The following ST18 variants were observed in gnomAD, a reference collection of about 807,000 sequenced individuals.
ST18 encodes the protein ST18 C2H2C-type zinc finger transcription factor, also known as suppression of tumorigenicity 18 protein.
A neutral mutation model predicts 110.0 loss-of-function variants in ST18; 50 were observed. The observed-to-expected ratio is 0.45, with a 90% confidence interval of 0.36 to 0.58. ST18 has a LOEUF of 0.58. ST18 is among the 20% of genes least tolerant of loss of function. The pLI, the probability that ST18 is intolerant of heterozygous loss-of-function variation, is 0.00. For missense variants in ST18, 1,306 were observed against 1,280.1 expected, an observed-to-expected ratio of 1.02 and a Z score of -0.31; for synonymous variants, 461 against 452.4, an observed-to-expected ratio of 1.02 and a Z score of -0.24.
At chr8:52,177,381 C>A (rs1315943544) in intron 9 of ST18, among the ~76,000 whole-genome samples, 1 of 152,202 alleles carries the variant, frequency 6.6e-6, no homozygotes, top group East Asian at 1.9e-4. Flanking sequence ...TGAGCACTAT[C>A]CCTTCTCTCA....
chr8:52,111,223 T>A lies in ST18; in HGVS notation c.*1975A>T. 1 of 361,270 alleles carries A rather than the reference T, an allele frequency of 2.8e-6. No individual in the cohort carries two copies. Among genetic ancestry groups the A allele is most frequent in the Non-Finnish European group, 4.9e-6 (1 of 202,716 alleles). 22.4% of individuals were successfully genotyped at this position (361,270 alleles called of 1,614,324 possible). A position where few individuals can be genotyped will look rare whatever the true frequency, so the allele number is the denominator to read the frequency against. ...GATTTCTTTTAAATTAAATAAAATA[T>A]ATAACAAACTTGTTAAAATATTTAG... On this transcript the variant is annotated 3_prime_UTR_variant, in exon 26 of 26. Transcript: ENST00000689386.
At chr8:52,212,485 C>T (rs2082555060) in intron 7 of ST18, among the ~76,000 whole-genome samples, 1 of 152,136 alleles carries the variant, frequency 6.6e-6, no homozygotes, top group African/African-American at 2.4e-5. Context: ...TAATATTAAA[C>T]ACACATTCAA....
At chr8:52,228,222 C>T (rs2090164922) in intron 3 of ST18, among the ~76,000 whole-genome samples, 1 of 152,102 alleles carries the variant, frequency 6.6e-6, no homozygotes, top group South Asian at 2.1e-4. Context: ...ACTTTTGTCT[C>T]ATTTACATGA....
chr8:52,187,557 G>T (rs2072815591), intron 8 of ST18, among the ~76,000 whole-genome samples: 1 of 152,158 alleles, frequency 6.6e-6, no homozygotes. Context: ...GAGGCCAATT[G>T]TTGAACTTTA....
chr8:52,140,625 A>G (rs2054643809), intron 17 of ST18, among the ~76,000 whole-genome samples: 1 of 151,464 alleles, frequency 6.6e-6, no homozygotes, highest in Non-Finnish European at 1.5e-5. Flanking sequence ...CCTCTGAGAG[A>G]GTAATTTCTT....
chr8:52,216,887 G>C (rs1487677838), intron 6 of ST18, among the ~76,000 whole-genome samples: 1 of 152,202 alleles, frequency 6.6e-6, no homozygotes, highest in East Asian at 1.9e-4. Context: ...TTCCACGTCA[G>C]TGTGTGTGTT....
intron 2 of ST18, among the ~76,000 whole-genome samples, chr8:52,385,062 C>A (rs1034664382): frequency 6.6e-6 from 1 of 152,140 alleles, no homozygotes; most frequent in Non-Finnish European, 1.5e-5. Flanking sequence ...TGTCCAATAA[C>A]CCTCTGCCCA....
intron 8 of ST18, among the ~76,000 whole-genome samples, chr8:52,208,140 A>G (rs1363722579): frequency 6.6e-6 from 1 of 152,230 alleles, no homozygotes. Flanking sequence ...TGTCAGTATC[A>G]ATTTTATTAG....
chr8:52,264,608 C>T (rs993273433), intron 2 of ST18, among the ~76,000 whole-genome samples: 1 of 152,144 alleles, frequency 6.6e-6, no homozygotes, highest in African/African-American at 2.4e-5. Flanking sequence ...GACTTTTGTC[C>T]TCATGGTTTG....
intron 2 of ST18, among the ~76,000 whole-genome samples, chr8:52,305,712 A>G (rs1251262761): frequency 1.3e-5 from 2 of 152,112 alleles, no homozygotes; most frequent in African/African-American, 4.8e-5. Flanking sequence ...TGTATCAGCA[A>G]ATCCTCTGGG....
intron 2 of ST18, among the ~76,000 whole-genome samples, chr8:52,317,783 C>A (rs1384474550): frequency 1.3e-5 from 2 of 152,164 alleles, no homozygotes; most frequent in South Asian, 4.1e-4. Context: ...AAGCTGAACA[C>A]AGGGATTATT....
chr8:52,315,694 T>A (rs1033318052), intron 2 of ST18, among the ~76,000 whole-genome samples: 2 of 152,058 alleles, frequency 1.3e-5, no homozygotes, highest in African/African-American at 2.4e-5. Flanking sequence ...CAGAATAGAG[T>A]AGTGCTGGTG....
chr8:52,266,369 C>T (rs7813652), intron 2 of ST18, among the ~76,000 whole-genome samples: 1 of 151,770 alleles, frequency 6.6e-6, no homozygotes, highest in South Asian at 2.1e-4. Context: ...GTTTTGTGCT[C>T]AAGACACCAG....
intron 2 of ST18, among the ~76,000 whole-genome samples, chr8:52,354,550 T>C (rs1405580979): frequency 6.6e-6 from 1 of 152,134 alleles, no homozygotes; most frequent in Non-Finnish European, 1.5e-5. Context: ...AGGGGATACA[T>C]AGTGTTTGAA....
intron 2 of ST18, among the ~76,000 whole-genome samples, chr8:52,342,322 A>T (rs1359669666): frequency 6.6e-6 from 1 of 152,212 alleles, no homozygotes; most frequent in Non-Finnish European, 1.5e-5. Context: ...AAGCCAAAAG[A>T]AAGAAAAAAG....
At chr8:52,192,933 T>C (rs544959875) in intron 8 of ST18, among the ~76,000 whole-genome samples, 9 of 152,312 alleles carry the variant, frequency 5.9e-5, no homozygotes, top group Non-Finnish European at 8.8e-5. Context: ...CAGGAGTCAC[T>C]GACCCTGGTC....
intron 2 of ST18, among the ~76,000 whole-genome samples, chr8:52,374,697 T>A (rs932260204): frequency 6.6e-6 from 1 of 152,128 alleles, no homozygotes; most frequent in East Asian, 1.9e-4. Flanking sequence ...CATACCCCCC[T>A]GACAGGCTGC....
At chr8:52,286,880 A>G (rs1217773189) in intron 2 of ST18, among the ~76,000 whole-genome samples, 2 of 151,576 alleles carry the variant, frequency 1.3e-5, no homozygotes, top group Admixed American at 1.3e-4. Flanking sequence ...TGAATCAGAA[A>G]CTCTGGGGCT....
intron 22 of ST18, among the ~76,000 whole-genome samples, chr8:52,128,332 T>C (rs1398785151): frequency 6.6e-6 from 1 of 152,216 alleles, no homozygotes; most frequent in Non-Finnish European, 1.5e-5. Context: ...ACAATGTATC[T>C]CGTGAACATA....
Sources: gnomAD v4.1 joint callset for allele counts (sites outside exome capture counted in the v4.1 genomes callset) on GRCh38, gnomAD v4.1.1 for gene constraint, MANE v1.5 for transcripts, NCBI Gene and HGNC (gene_info 2026-07-23, HGNC 2026-07-21) for gene names.